Variants in BCO1 observed in about 807,000 individuals in gnomAD.
BCO1 encodes the protein beta-carotene oxygenase 1, also known as beta,beta-carotene 15,15'-dioxygenase.
In BCO1, 54 loss-of-function variants were observed where a neutral mutation model predicts 56.3. That is an observed-to-expected ratio of 0.96 (90% CI 0.77 to 1.20). The LOEUF is 1.20. Ranked by LOEUF, BCO1 falls within the 50% of genes most tolerant of loss-of-function variation. The probability of loss-of-function intolerance (pLI) is 0.00; values close to 1 mark genes in which losing one functional copy is unlikely to be tolerated. For missense variants in BCO1, 801 were observed against 690.9 expected, an observed-to-expected ratio of 1.16 and a Z score of -1.79; for synonymous variants, 318 against 266.1, an observed-to-expected ratio of 1.20 and a Z score of -1.90.
intron 2 of BCO1, among the ~76,000 whole-genome samples, chr16:81,257,341 T>C (rs1323406188): frequency 2.0e-5 from 3 of 152,062 alleles, no homozygotes; most frequent in African/African-American, 7.2e-5. Context: ...CTCGGCTCAC[T>C]GCAGCCTCTG....
intron 1 of BCO1, among the ~76,000 whole-genome samples, chr16:81,239,699 T>A (rs1301066980): frequency 1.3e-5 from 2 of 152,212 alleles, no homozygotes; most frequent in Non-Finnish European, 2.9e-5. Flanking sequence ...CAGAGTCTGA[T>A]GTGATTTTCT....
At chr16:81,267,410 C>T (rs762971160) in intron 5 of BCO1, among the ~76,000 whole-genome samples, 9 of 152,242 alleles carry the variant, frequency 5.9e-5, no homozygotes, top group East Asian at 1.9e-4. Flanking sequence ...GTCAGGAGTT[C>T]GAGAACAGCC....
intron 2 of BCO1, among the ~76,000 whole-genome samples, chr16:81,250,198 A>T (rs1170773824): frequency 6.6e-6 from 1 of 152,148 alleles, no homozygotes; most frequent in Admixed American, 6.5e-5. Flanking sequence ...ACTTACCCAG[A>T]AGCACACAGC....
chr16:81,254,135 A>G (rs1010605672), intron 2 of BCO1, among the ~76,000 whole-genome samples: 1 of 151,316 alleles, frequency 6.6e-6, no homozygotes, highest in Non-Finnish European at 1.5e-5. Context: ...TTTATTGTAT[A>G]TTTTTTTCTT....
chr16:81,258,346 G>C (rs1375833233), intron 2 of BCO1, among the ~76,000 whole-genome samples: 2 of 152,172 alleles, frequency 1.3e-5, no homozygotes, highest in African/African-American at 4.8e-5. Context: ...CCATGAGTTA[G>C]ACTCTCTGCA....
rs116335270 is a variant in BCO1 at position 81,281,795 on chromosome 16, C to G, written c.1207+833C>G. Among the ~76,000 whole-genome samples, 1,207 of 152,260 alleles carry G rather than the reference C, an allele frequency of 7.9e-3. 25 individuals are homozygous for G. Among genetic ancestry groups the G allele is most frequent in the African/African-American group, 0.028 (1,148 of 41,524 alleles). On this transcript the variant is annotated intron_variant, in intron 8 of 10. Coordinates refer to ENST00000258168, the MANE Select transcript of BCO1 (RefSeq NM_017429.3). ...GAATTGTAAGATGTTTAGCCACATC[C>G]CTGGCCTCTACCCACTGGAAGCCAG...
chr16:81,272,963 C>T (rs1211085757), intron 7 of BCO1, among the ~76,000 whole-genome samples: 1 of 151,882 alleles, frequency 6.6e-6, no homozygotes, highest in African/African-American at 2.4e-5. Context: ...GTCTCTAAAC[C>T]CCCATTTTTT....
At position 81,290,868 on chromosome 16, in the gene BCO1, G is replaced by C. The variant is rs901766019; in HGVS notation, c.*291G>C. On this transcript the variant is annotated 3_prime_UTR_variant, in exon 11 of 11. Transcript: ENST00000258168. ...AAAAAGACCTTGACCATGAATCAGA[G>C]ATTGTATTCAATGACATTATCATCA... 10 of 332,244 alleles carry C rather than the reference G, an allele frequency of 3.0e-5. No individual in the cohort carries two copies. Among genetic ancestry groups the C allele is most frequent in the African/African-American group, 1.7e-4 (8 of 47,924 alleles). The allele number at this position is 332,244 out of a possible 1,614,324, so 20.6% of individuals were successfully genotyped here.
intron 9 of BCO1, among the ~76,000 whole-genome samples, chr16:81,286,968 A>T (rs962866930): frequency 3.3e-5 from 5 of 152,098 alleles, no homozygotes; most frequent in South Asian, 4.1e-4. Context: ...CCAGCTACTC[A>T]GGAGGCTGAG....
chr16:81,271,285 T>C (rs965422369), intron 7 of BCO1, among the ~76,000 whole-genome samples: 1 of 151,836 alleles, frequency 6.6e-6, no homozygotes, highest in Non-Finnish European at 1.5e-5. Flanking sequence ...CAGCTAATTT[T>C]TGTATTTTTA....
chr16:81,264,818 C>A (rs375261365), intron 5 of BCO1, 31 bp downstream of exon 5: 1 of 1,612,804 alleles, frequency 6.2e-7, no homozygotes. Flanking sequence ...GAATAAAACA[C>A]AAACAACCAA....
chr16:81,276,115 C>T (rs1298538769), intron 7 of BCO1, among the ~76,000 whole-genome samples: 1 of 152,240 alleles, frequency 6.6e-6, no homozygotes, highest in Non-Finnish European at 1.5e-5. Context: ...TCCAAATGCA[C>T]AAATGCAGAC....
At chr16:81,259,908 T>G in intron 3 of BCO1, 103 bp downstream of exon 3, 1 of 1,441,456 alleles carries the variant, frequency 6.9e-7, no homozygotes, top group Non-Finnish European at 9.8e-7. Flanking sequence ...TTAGGGTAGA[T>G]GAAAACTCCA....
At position 81,259,808 on chromosome 16, in the gene BCO1, A is replaced by G. The variant is rs1906372933; in HGVS notation, c.323+3A>G. 15 of 1,614,100 alleles carry G rather than the reference A, an allele frequency of 9.3e-6. No individual in the cohort carries two copies. The highest frequency in any genetic ancestry group is 1.3e-5 in the African/African-American group (1 of 74,960). On this transcript the variant is annotated splice_donor_region_variant and intron_variant, in intron 3 of 10. Coordinates refer to ENST00000258168, the MANE Select transcript of BCO1 (RefSeq NM_017429.3). Reference sequence around the variant, plus strand: ...CCCTGCAAAAACATATTTTCCAAGTAACTGCCTATTTTAAATCTGAGCAAA... The same window carrying G: ...CCCTGCAAAAACATATTTTCCAAGTGACTGCCTATTTTAAATCTGAGCAAA...
chr16:81,259,647 C>T (rs765674208), intron 2 of BCO1, 29 bp from the exon 3 acceptor site: 23 of 1,614,060 alleles, frequency 1.4e-5, no homozygotes, highest in Non-Finnish European at 1.9e-5. Flanking sequence ...AGGCGTCAGC[C>T]TGAGATTATG....
Position 81,270,266 on chromosome 16 carries a change from C to T in BCO1, c.951C>T (p.Gly317=), listed in dbSNP as rs1033196294. 2 of 1,614,184 alleles carry T rather than the reference C, an allele frequency of 1.2e-6. No homozygotes were observed. Among genetic ancestry groups the T allele is most frequent in the Non-Finnish European group, 1.7e-6 (2 of 1,180,050 alleles). ...FHHVNAYEED[G]CIVFDVIAYE... is the part of the protein sequence containing the mutation. Reference sequence around the variant, plus strand: ...ACGTCAACGCCTACGAAGAGGACGGCTGCATCGTGTTTGACGTCATTGCCT... The same window carrying T: ...ACGTCAACGCCTACGAAGAGGACGGTTGCATCGTGTTTGACGTCATTGCCT... Residue 317 remains glycine (G), a synonymous_variant, in exon 7 of 11, where the codon GGC becomes GGT. Transcript: ENST00000258168.
chr16:81,253,847 C>T (rs193276246), intron 2 of BCO1, among the ~76,000 whole-genome samples: 2 of 152,212 alleles, frequency 1.3e-5, no homozygotes, highest in East Asian at 1.9e-4. Context: ...CCTATAGTCC[C>T]AGTTACTTGG....
At chr16:81,286,681 C>A (rs1021993895) in intron 9 of BCO1, among the ~76,000 whole-genome samples, 1 of 151,836 alleles carries the variant, frequency 6.6e-6, no homozygotes, top group African/African-American at 2.4e-5. Flanking sequence ...AAGACCCTGT[C>A]TCTATATTAA....
intron 2 of BCO1, among the ~76,000 whole-genome samples, chr16:81,247,037 G>T (rs1905468760): frequency 6.6e-6 from 1 of 152,126 alleles, no homozygotes. Flanking sequence ...TCTGGCTCAT[G>T]AGGTGGGATG....
Sources: gnomAD v4.1 joint callset for allele counts (sites outside exome capture counted in the v4.1 genomes callset) on GRCh38, gnomAD v4.1.1 for gene constraint, MANE v1.5 for transcripts, NCBI Gene and HGNC (gene_info 2026-07-23, HGNC 2026-07-21) for gene names.